The following CRYL1 variants were observed in gnomAD, a reference collection of about 807,000 sequenced individuals.
CRYL1 encodes crystallin lambda 1.
Under a neutral mutation model 36.6 loss-of-function variants are expected in CRYL1, and 29 were observed. That is an observed-to-expected ratio of 0.79 (90% CI 0.59 to 1.08). The LOEUF (loss-of-function observed/expected upper bound fraction) is 1.08. Among genes scored for constraint, CRYL1 ranks in the 50% least tolerant of loss-of-function variants. The pLI is 0.00. For synonymous variants in CRYL1, 152 were observed against 151.5 expected (o/e 1.00, Z -0.02); for missense variants, 411 against 407.9 (o/e 1.01, Z -0.06).
Position 20,440,741 on chromosome 13 carries a change from C to A in CRYL1, c.277-987G>T, listed in dbSNP as rs543198362. On this transcript the variant is annotated intron_variant, in intron 3 of 7. Transcript: ENST00000298248. ...AATTCCCAAAAGGCTTCTTGAGAAT[C>A]CATTTCTAATTGGAGGTCCTTTTGA... 1.2e-4 allele frequency among the ~76,000 whole-genome samples: 19 copies of A among 152,294 alleles called. No homozygotes were observed. The South Asian group carries it at 1.7e-3, about 13-fold the overall frequency.
At chr13:20,445,158 C>T (rs1486716381) in intron 3 of CRYL1, among the ~76,000 whole-genome samples, 1 of 152,192 alleles carries the variant, frequency 6.6e-6, no homozygotes, top group Non-Finnish European at 1.5e-5. Flanking sequence ...GTAGCATTTT[C>T]ATTTTTGAAA....
chr13:20,428,266 T>C (rs1410253548), intron 5 of CRYL1, among the ~76,000 whole-genome samples: 2 of 152,126 alleles, frequency 1.3e-5, no homozygotes, highest in South Asian at 2.1e-4. Flanking sequence ...TCAAAGGAAA[T>C]GGTCACTGGA....
chr13:20,456,505 A>G (rs970851759), intron 3 of CRYL1, among the ~76,000 whole-genome samples: 2 of 151,456 alleles, frequency 1.3e-5, no homozygotes, highest in African/African-American at 4.9e-5. Flanking sequence ...AAGAAAAGAA[A>G]AGAAGAGAGG....
At position 20,424,004 on chromosome 13, in the gene CRYL1, C is replaced by T. The variant is rs1485944093; in HGVS notation, c.633+8098G>A. On this transcript the variant is annotated intron_variant, in intron 5 of 7. Coordinates refer to ENST00000298248, the MANE Select transcript of CRYL1 (RefSeq NM_015974.3). Reference sequence around the variant, plus strand: ...CAGACTGGTCTCGAACTCCTGACCTCGTGATTCCCCTGCCTTGGATTCCGA... The same window carrying T: ...CAGACTGGTCTCGAACTCCTGACCTTGTGATTCCCCTGCCTTGGATTCCGA... 4.6e-5 allele frequency among the ~76,000 whole-genome samples: 7 copies of T among 152,058 alleles called. 1 individual carries two copies. Among genetic ancestry groups the T allele is most frequent in the African/African-American group, 7.2e-5 (3 of 41,452 alleles).
chr13:20,467,066 G>C (rs1408654542), intron 3 of CRYL1, among the ~76,000 whole-genome samples: 3 of 151,290 alleles, frequency 2.0e-5, no homozygotes, highest in Non-Finnish European at 4.4e-5. Flanking sequence ...TCCTGCCTCA[G>C]CCTCCTGAGT....
chr13:20,524,273 G>C (rs1011367300), intron 1 of CRYL1, among the ~76,000 whole-genome samples: 2 of 151,990 alleles, frequency 1.3e-5, no homozygotes, highest in African/African-American at 4.8e-5. Flanking sequence ...TGTAAAAACT[G>C]TGTGTGTATA....
intron 3 of CRYL1, among the ~76,000 whole-genome samples, chr13:20,465,586 G>T (rs1158203804): frequency 6.6e-6 from 1 of 152,144 alleles, no homozygotes; most frequent in East Asian, 1.9e-4. Context: ...CCTGAGCAAG[G>T]GTAAGAGAAA....
chr13:20,426,981 C>G, intron 5 of CRYL1: 1 of 985,666 alleles, frequency 1.0e-6, no homozygotes, highest in Non-Finnish European at 1.2e-6. Flanking sequence ...TCATCACCAC[C>G]AACTCACACC....
intron 2 of CRYL1, among the ~76,000 whole-genome samples, chr13:20,494,200 G>A (rs1436925083): frequency 6.6e-6 from 1 of 152,182 alleles, no homozygotes; most frequent in African/African-American, 2.4e-5. Flanking sequence ...TGGCAGAAGA[G>A]CTATTTGTAG....
intron 3 of CRYL1, among the ~76,000 whole-genome samples, chr13:20,483,714 T>C (rs2033328810): frequency 1.3e-5 from 2 of 152,090 alleles, no homozygotes; most frequent in African/African-American, 4.8e-5. Flanking sequence ...TAATTTTTTG[T>C]ATTTTTGGTA....
Position 20,425,927 on chromosome 13 carries a change from T to A in CRYL1, c.633+6175A>T, listed in dbSNP as rs2137381238. 6.6e-6 allele frequency among the ~76,000 whole-genome samples: 1 copy of A among 152,186 alleles called. No homozygotes were observed. The highest frequency in any genetic ancestry group is 1.9e-4 in the East Asian group (1 of 5,178). On this transcript the variant is annotated intron_variant, in intron 5 of 7. Transcript: ENST00000298248. The surrounding 1 kb of genome is among the most constrained non-coding windows in gnomAD (Gnocchi z 4.4). The stretch of plus-strand genomic sequence containing the variant: ...CCCAAGCACAGGCATTCAGCTACAA[T>A]CAGCTATACGGGAGTGCTGTTTCTG...
rs189690575 is a variant in CRYL1 at position 20,481,676 on chromosome 13, C to T, written c.276+7694G>A. Reference sequence around the variant, plus strand: ...CTGTAATTCCAGCACTTTGGGAGGCCGAAGCGGGCAGATCACCTGAGGTCA... The same window carrying T: ...CTGTAATTCCAGCACTTTGGGAGGCTGAAGCGGGCAGATCACCTGAGGTCA... On this transcript the variant is annotated intron_variant, in intron 3 of 7. Coordinates refer to ENST00000298248, the MANE Select transcript of CRYL1 (RefSeq NM_015974.3). This position sits in a 1 kb window ranked among gnomAD's most constrained non-coding sequence, Gnocchi z 4.1. Among the ~76,000 whole-genome samples the T allele has an allele frequency of 3.3e-5, 5 of 152,110 alleles. No homozygotes were observed. The highest frequency in any genetic ancestry group is 7.4e-5 in the Non-Finnish European group (5 of 67,978).
intron 3 of CRYL1, among the ~76,000 whole-genome samples, chr13:20,465,041 T>G (rs551987694): frequency 1.3e-5 from 2 of 152,194 alleles, no homozygotes; most frequent in Non-Finnish European, 2.9e-5. Context: ...AAATTTGCTC[T>G]TATTTTTAGA....
chr13:20,432,164 C>A lies in CRYL1; in HGVS notation c.571G>T (p.Ala191Ser). 1 of 1,614,126 alleles carries A rather than the reference C, an allele frequency of 6.2e-7. No homozygotes were observed. Among genetic ancestry groups the A allele is most frequent in the Non-Finnish European group, 8.5e-7 (1 of 1,180,022 alleles). Residue 191 changes from alanine (A) to serine (S), a missense_variant, in exon 5 of 8, where the codon GCC becomes TCC. Coordinates refer to ENST00000298248, the MANE Select transcript of CRYL1 (RefSeq NM_015974.3). ...QCPMRVQKEVAGFVLNRLQYA... is the reference protein window; with the variant it reads ...QCPMRVQKEVSGFVLNRLQYA... ...TGCAGGCGGTTCAGAACGAAGCCGG[C>A]CACCTCCTTCTGGACTCGCATGGGG...
chr13:20,420,942 C>A (rs1593432649), intron 5 of CRYL1, among the ~76,000 whole-genome samples: 1 of 151,888 alleles, frequency 6.6e-6, no homozygotes, highest in Non-Finnish European at 1.5e-5. Context: ...ATTGTGTTAG[C>A]CAGGATGGTC....
At chr13:20,443,840 G>A (rs1205023276) in intron 3 of CRYL1, among the ~76,000 whole-genome samples, 1 of 152,168 alleles carries the variant, frequency 6.6e-6, no homozygotes, top group African/African-American at 2.4e-5. Context: ...ATGCAAAGAA[G>A]ATCTATTAGA....
At chr13:20,500,163 C>A (rs1349946924) in intron 2 of CRYL1, among the ~76,000 whole-genome samples, 1 of 152,184 alleles carries the variant, frequency 6.6e-6, no homozygotes, top group African/African-American at 2.4e-5. Flanking sequence ...ACTGAAATAA[C>A]TTTTATGGCT....
chr13:20,525,824 G>A lies in CRYL1; in HGVS notation c.-30C>T, dbSNP rs1426259699. On this transcript the variant is annotated 5_prime_UTR_variant, in exon 1 of 8. Coordinates refer to ENST00000298248, the MANE Select transcript of CRYL1 (RefSeq NM_015974.3). The surrounding 1 kb of genome is among the most constrained non-coding windows in gnomAD (Gnocchi z 4.3). The stretch of plus-strand genomic sequence containing the variant: ...GGGCCGGGGACGCGGCGCCGCGGGC[G>A]CTGGGACCAGGCGCCGGCGGAGCTG... 8.2e-7 allele frequency: 1 copy of A among 1,225,032 alleles called. No individual in the cohort carries two copies. Among genetic ancestry groups the A allele is most frequent in the Non-Finnish European group, 1.0e-6 (1 of 982,648 alleles). 75.9% of individuals were successfully genotyped at this position (1,225,032 alleles called of 1,614,324 possible).
chr13:20,485,685 T>TAGAAAAGAAAAGAAAAGAAA (rs11270599), intron 3 of CRYL1, among the ~76,000 whole-genome samples: 3,525 of 149,082 alleles, frequency 0.024, 145 homozygotes, highest in Admixed American at 0.1. Flanking sequence ...AAAAGAAAGA[T>TAGAAAAGAAAAGAAAAGAAA]AGAAAAGAAA....
Sources: gnomAD v4.1 joint callset for allele counts (sites outside exome capture counted in the v4.1 genomes callset) on GRCh38, gnomAD v4.1.1 for gene constraint, Gnocchi (gnomAD v3.1) non-coding constraint, MANE v1.5 for transcripts, NCBI Gene and HGNC (gene_info 2026-07-23, HGNC 2026-07-21) for gene names.